Variants in RNF207 observed in about 807,000 individuals in gnomAD.
RNF207 encodes the protein ring finger protein 207.
In RNF207, 72 loss-of-function variants were observed where a neutral mutation model predicts 79.0. The observed-to-expected ratio is 0.91, with a 90% CI of 0.75 to 1.11. The LOEUF is 1.11. Among genes scored for constraint, RNF207 ranks in the 50% least tolerant of loss-of-function variants. The pLI is 0.00. For missense variants in RNF207, 936 were observed against 855.8 expected (o/e 1.09, Z -1.17); for synonymous variants, 348 against 366.2 (o/e 0.95, Z 0.57).
At chr1:6,213,024 G>A in intron 15 of RNF207, 42 bp from the exon 16 acceptor site, 1 of 1,309,642 alleles carries the variant, frequency 7.6e-7, no homozygotes, top group Non-Finnish European at 1.1e-6. Context: ...GAAGCCAGAT[G>A]CTTCAGGATT....
At chr1:6,208,838 G>A in intron 3 of RNF207, 43 bp from the exon 4 acceptor site, 1 of 1,492,264 alleles carries the variant, frequency 6.7e-7, no homozygotes, top group East Asian at 2.6e-5. Context: ...CGCGCTGGCC[G>A]CGGTCGGGCT....
At position 6,212,295 on chromosome 1, in the gene RNF207, A is replaced by C. The variant is rs780970639; in HGVS notation, c.1361A>C (p.Lys454Thr). Residue 454 changes from lysine to threonine, a missense_variant, in exon 14 of 18, where the codon AAG (lysine) becomes ACG (threonine). Coordinates refer to ENST00000377939, the MANE Select transcript of RNF207 (RefSeq NM_207396.3). The stretch of plus-strand genomic sequence containing the variant: ...CAGGAGCTGCACCGAGACCTCACCA[A>C]GCACCACTCGCTCATCAAGGCGGAG... ...QVQELHRDLT[K>T]HHSLIKAEIM... 8 of 1,613,758 alleles carry C rather than the reference A, an allele frequency of 5.0e-6. No homozygotes were observed. The highest frequency in any genetic ancestry group is 5.9e-6 in the Non-Finnish European group (7 of 1,179,950).
Position 6,210,367 on chromosome 1 carries a change from C to G in RNF207, c.874-3C>G, listed in dbSNP as rs1668112528. On this transcript the variant is annotated splice_region_variant and splice_polypyrimidine_tract_variant and intron_variant, in intron 9 of 17. Coordinates refer to ENST00000377939, the MANE Select transcript of RNF207 (RefSeq NM_207396.3). Reference sequence around the variant, plus strand: ...AGGCACTGAGCAGCATCCCCTCCCCCAGGTCCACCTGGTCATCTGCTCCTC... The same window carrying G: ...AGGCACTGAGCAGCATCCCCTCCCCGAGGTCCACCTGGTCATCTGCTCCTC... 6.2e-7 allele frequency: 1 copy of G among 1,613,670 alleles called. No homozygotes were observed. Among genetic ancestry groups the G allele is most frequent in the Non-Finnish European group, 8.5e-7 (1 of 1,179,790 alleles).
At position 6,210,292 on chromosome 1, in the gene RNF207, G is replaced by T; in HGVS notation, c.870G>T (p.Leu290=). ...LSHLATLLPT[L]QVHLVICSSF... is the part of the protein sequence containing the mutation. ...ACTTGGCCACCTTGCTGCCCACCCTGCAGGTACAGGGAGCTCGGGGTGCGG... is the reference window on the plus strand; with the variant it reads ...ACTTGGCCACCTTGCTGCCCACCCTTCAGGTACAGGGAGCTCGGGGTGCGG... The change falls in exon 9 of 18, where the codon CTG becomes CTT. Residue 290 remains leucine (L), a synonymous_variant. Transcript: ENST00000377939. 1.9e-6 allele frequency: 3 copies of T among 1,613,928 alleles called. No homozygotes were observed. Among genetic ancestry groups the T allele is most frequent in the Non-Finnish European group, 2.5e-6 (3 of 1,179,914 alleles).
Position 6,209,171 on chromosome 1 carries a change from A to G in RNF207, c.526A>G (p.Ile176Val). The change falls in exon 5 of 18, where the codon ATC becomes GTC. Residue 176 changes from isoleucine to valine, a missense_variant. Transcript: ENST00000377939. ...CACCGACAAGAAGTTGCTGTTGTGC[A>G]TCCGCTGCTTCCGCGACATGCAGAA... is the stretch of plus-strand genomic sequence containing the variant. Reference protein sequence around the residue: ...FSTDKKLLLCIRCFRDMQKES... With the variant: ...FSTDKKLLLCVRCFRDMQKES... 1 of 1,556,560 alleles carries G rather than the reference A, an allele frequency of 6.4e-7. No homozygotes were observed. The highest frequency in any genetic ancestry group is 1.9e-5 in the Admixed American group (1 of 52,038).
At chr1:6,213,515 C>T (rs1308547415) in intron 16 of RNF207, among the ~76,000 whole-genome samples, 1 of 150,652 alleles carries the variant, frequency 6.6e-6, no homozygotes, top group Non-Finnish European at 1.5e-5. Context: ...GCCACACCCA[C>T]AGGACCCTGT....
Position 6,210,904 on chromosome 1 carries a change from G to T in RNF207, c.977G>T (p.Arg326Leu). 2 of 1,606,016 alleles carry T rather than the reference G, an allele frequency of 1.2e-6. No individual in the cohort carries two copies. Among genetic ancestry groups the T allele is most frequent in the East Asian group, 2.2e-5 (1 of 44,574 alleles). The change falls in exon 11 of 18, where the codon CGG becomes CTG. Residue 326 changes from arginine to leucine, a missense_variant. Arg to Leu is a moderately radical substitution (Grantham distance 102). Coordinates refer to ENST00000377939, the MANE Select transcript of RNF207 (RefSeq NM_207396.3). ...GAGAGGCTGCAGGGCATCGTCACGC[G>T]GCCGCACCACCTAAGGCCTATTCAG... ...LMERLQGIVT[R>L]PHHLRPIQSS...
chr1:6,210,979 A>C, intron 11 of RNF207, 41 bp downstream of exon 11: 1 of 1,597,928 alleles, frequency 6.3e-7, no homozygotes, highest in Non-Finnish European at 8.5e-7. Flanking sequence ...GGGGCCCTGC[A>C]GGGCAGTGGA....
rs377205229 is a variant in RNF207 at position 6,210,316 on chromosome 1, G to A, written c.873+21G>A. 42 of 1,613,336 alleles carry A rather than the reference G, an allele frequency of 2.6e-5. No homozygotes were observed. The Middle Eastern group carries it at 3.0e-3, about 114-fold the overall frequency. On this transcript the variant is annotated intron_variant, in intron 9 of 17. Coordinates refer to ENST00000377939, the MANE Select transcript of RNF207 (RefSeq NM_207396.3). Reference sequence around the variant, plus strand: ...TGCAGGTACAGGGAGCTCGGGGTGCGGGTGGGTCCCTCCTCCTCCCCGGCC... The same window carrying A: ...TGCAGGTACAGGGAGCTCGGGGTGCAGGTGGGTCCCTCCTCCTCCCCGGCC...
chr1:6,214,387 A>C lies in RNF207; in HGVS notation c.1652+1204A>C, dbSNP rs188040235. Among the ~76,000 whole-genome samples the C allele has an allele frequency of 3.3e-5, 5 of 149,606 alleles. No individual in the cohort carries two copies. In the East Asian group the frequency reaches 5.8e-4, roughly 17 times the overall value. ...TTCAATCTGAAAATTCATGGTCTTC[A>C]GTTTTGGCATATTTCTTTTTTTTTT... On this transcript the variant is annotated intron_variant, in intron 16 of 17. Coordinates refer to ENST00000377939, the MANE Select transcript of RNF207 (RefSeq NM_207396.3).
intron 16 of RNF207, among the ~76,000 whole-genome samples, chr1:6,214,626 C>CTTTTTTTTT (rs1553148919): frequency 1.0e-5 from 1 of 95,608 alleles, no homozygotes; most frequent in African/African-American, 5.9e-5. Flanking sequence ...TGGAATATTT[C>CTTTTTTTTT]TTTCTTTTTT....
intron 16 of RNF207, among the ~76,000 whole-genome samples, 183 bp downstream of exon 16, chr1:6,213,366 C>A (rs1018223347): frequency 6.0e-5 from 9 of 150,118 alleles, no homozygotes; most frequent in Non-Finnish European, 8.9e-5. Context: ...ACTAAAAATA[C>A]AAAAATCAGC....
rs559251093 is a variant in RNF207 at position 6,211,430 on chromosome 1, C to T, written c.1109+312C>T. Among the ~76,000 whole-genome samples, 110 of 152,292 alleles carry T rather than the reference C, an allele frequency of 7.2e-4. No homozygotes were observed. Among genetic ancestry groups the T allele is most frequent in the South Asian group, 1.9e-3 (9 of 4,830 alleles). Reference sequence around the variant, plus strand: ...CTCCCCTGGGGTGGGGCGCCTGGGGCTGGGCTGACCGCCACCTAGGTGGCC... The same window carrying T: ...CTCCCCTGGGGTGGGGCGCCTGGGGTTGGGCTGACCGCCACCTAGGTGGCC... On this transcript the variant is annotated intron_variant, in intron 12 of 17. Transcript: ENST00000377939. The surrounding 1 kb of genome is among the most constrained non-coding windows in gnomAD (Gnocchi z 4.2).
rs1012757615 is a variant in RNF207, at chr1:6,206,191, G to C, written c.-112G>C. 5 of 259,614 alleles carry C rather than the reference G, an allele frequency of 1.9e-5. No homozygotes were observed. Among genetic ancestry groups the C allele is most frequent in the Non-Finnish European group, 2.2e-5 (3 of 137,538 alleles). 16.1% of individuals were successfully genotyped at this position (259,614 alleles called of 1,614,324 possible). A position where few individuals can be genotyped will look rare whatever the true frequency, so the allele number is the denominator to read the frequency against. ...GAACTTCCAGGGCCGGCTACTCCTC[G>C]GCAGAGCGACCGCGCGGTGTCTCAG... On this transcript the variant is annotated 5_prime_UTR_variant, in exon 1 of 18. Coordinates refer to ENST00000377939, the MANE Select transcript of RNF207 (RefSeq NM_207396.3).
chr1:6,210,074 G>A (rs547767310), intron 8 of RNF207, 104 bp downstream of exon 8: 165 of 1,346,960 alleles, frequency 1.2e-4, no homozygotes, highest in Non-Finnish European at 1.7e-4. Flanking sequence ...CAAGACATCC[G>A]AATGTCCTCC....
At position 6,218,154 on chromosome 1, in the gene RNF207, T is replaced by C. The variant is rs1668423527; in HGVS notation, c.1653-135T>C. The C allele has an allele frequency of 4.7e-6, 3 of 637,434 alleles. No individual in the cohort carries two copies. The East Asian group carries it at 8.3e-5, about 18-fold the overall frequency. 39.5% of individuals were successfully genotyped at this position (637,434 alleles called of 1,614,324 possible). A position where few individuals can be genotyped will look rare whatever the true frequency, so the allele number is the denominator to read the frequency against. ...GCCAACCACTGGACCTTAGTAAATA[T>C]TTGAGGAGCAAAAGAATGAAACGCT... On this transcript the variant is annotated intron_variant, in intron 16 of 17. Transcript: ENST00000377939.
At chr1:6,212,775 G>A (rs1488362049) in intron 15 of RNF207, 42 bp downstream of exon 15, 4 of 1,521,258 alleles carry the variant, frequency 2.6e-6, no homozygotes, top group African/African-American at 2.7e-5. Flanking sequence ...CTGTCCCTGA[G>A]CTAACCCACA....
At chr1:6,212,571 A>G in intron 14 of RNF207, 111 bp from the exon 15 acceptor site, 1 of 1,253,686 alleles carries the variant, frequency 8.0e-7, no homozygotes, top group Non-Finnish European at 1.2e-6. Context: ...GCTTGGAACC[A>G]CGTGGACCTG....
chr1:6,211,886 C>G lies in RNF207; in HGVS notation c.1129C>G (p.Pro377Ala). The change falls in exon 13 of 18, where the codon CCC becomes GCC. Residue 377 changes from proline to alanine, a missense_variant. Physicochemically the swap from Pro to Ala is conservative, Grantham distance 27 (BLOSUM62 -1). Coordinates refer to ENST00000377939, the MANE Select transcript of RNF207 (RefSeq NM_207396.3). This position sits in a 1 kb window ranked among gnomAD's most constrained non-coding sequence, Gnocchi z 4.2. The part of the protein sequence containing the change: ...GANTLAGGLG[P>A]KALTGPHCPS... ...CCCCAGGCTGGCAGGGGGCTTAGGCCCCAAGGCGCTGACGGGGCCCCACTG... is the reference window on the plus strand; with the variant it reads ...CCCCAGGCTGGCAGGGGGCTTAGGCGCCAAGGCGCTGACGGGGCCCCACTG... The G allele has an allele frequency of 3.2e-6, 5 of 1,549,042 alleles. No individual in the cohort carries two copies. The highest frequency in any genetic ancestry group is 4.4e-6 in the Non-Finnish European group (5 of 1,146,830).
Sources: gnomAD v4.1 joint callset for allele counts (sites outside exome capture counted in the v4.1 genomes callset) on GRCh38, gnomAD v4.1.1 for gene constraint, Gnocchi (gnomAD v3.1) non-coding constraint, MANE v1.5 for transcripts, NCBI Gene and HGNC (gene_info 2026-07-23, HGNC 2026-07-21) for gene names.